DMD: variants seen among roughly 807,000 people sequenced by gnomAD.
DMD encodes the protein dystrophin, also known as mutant dystrophin.
A neutral mutation model predicts 330.1 loss-of-function variants in DMD; 63 were observed. The observed-to-expected ratio is 0.19, with a 90% CI of 0.16 to 0.24. The LOEUF (loss-of-function observed/expected upper bound fraction) is 0.24. Ranked by LOEUF, DMD falls within the 10% of genes least tolerant of loss-of-function variation. The pLI, the probability that DMD is intolerant of heterozygous loss-of-function variation, is 1.00. For synonymous variants in DMD, 1,223 were observed against 959.8 expected (o/e 1.27, Z -5.07); for missense variants, 3,344 against 2,684.1 (o/e 1.25, Z -5.43).
intron 44 of DMD, among the ~76,000 whole-genome samples, chrX:32,205,005 T>TCTCTCTCACAGACACACA (rs60181300): frequency 3.4e-5 from 1 of 29,241 alleles, no homozygotes. Context: ...TCTCTCTCTC[T>TCTCTCTCACAGACACACA]CACATACACA....
intron 6 of DMD, among the ~76,000 whole-genome samples, chrX:32,816,103 G>C (rs1462680397): frequency 1.8e-5 from 2 of 111,181 alleles, no homozygotes; most frequent in African/African-American, 6.5e-5. Context: ...TACCTGTATA[G>C]TTTAGGCTTA....
chrX:31,162,356 T>TAAAAAAAAAAAAAAAA (rs57908991), intron 74 of DMD, among the ~76,000 whole-genome samples: 3 of 50,619 alleles, frequency 5.9e-5, no homozygotes, highest in Non-Finnish European at 1.1e-4. Flanking sequence ...ATGAAAAATC[T>TAAAAAAAAAAAAAAAA]AAAAAAAAAA....
At chrX:32,729,617 T>C (rs1216784628) in intron 7 of DMD, among the ~76,000 whole-genome samples, 1 of 111,914 alleles carries the variant, frequency 8.9e-6, no homozygotes, top group Non-Finnish European at 1.9e-5. Context: ...AGCAGATTTC[T>C]ACCCTTGTAA....
At chrX:32,815,777 G>T (rs2077715326) in intron 6 of DMD, among the ~76,000 whole-genome samples, 1 of 110,034 alleles carries the variant, frequency 9.1e-6, no homozygotes, top group Non-Finnish European at 1.9e-5. Flanking sequence ...GTATTACAGT[G>T]AATTCTTTTT....
In DMD at chrX:32,362,977, A is replaced by G; in HGVS notation, c.5155-19T>C. 1 of 1,195,711 alleles carries G rather than the reference A, an allele frequency of 8.4e-7. No individual in the cohort carries two copies. The highest frequency in any genetic ancestry group is 1.1e-6 in the Non-Finnish European group (1 of 884,540). Reference sequence around the variant, plus strand: ...TTAAACGCTATATTCCATGAGCAAGAGATAGGACTTGAAGTTAGTAATTAA... The same window carrying G: ...TTAAACGCTATATTCCATGAGCAAGGGATAGGACTTGAAGTTAGTAATTAA... On this transcript the variant is annotated intron_variant, in intron 36 of 78. Transcript: ENST00000357033.
chrX:31,725,903 G>C (rs906567805), intron 52 of DMD, among the ~76,000 whole-genome samples: 2 of 112,322 alleles, frequency 1.8e-5, no homozygotes, highest in Admixed American at 9.4e-5. Context: ...ATGGTATTAT[G>C]CCTTGCAGTA....
intron 55 of DMD, among the ~76,000 whole-genome samples, chrX:31,625,794 G>A (rs889860472): frequency 3.6e-5 from 4 of 110,589 alleles, no homozygotes; most frequent in African/African-American, 9.9e-5. Flanking sequence ...GAAAATAGAC[G>A]TATTTTTGCC....
intron 1 of DMD, among the ~76,000 whole-genome samples, chrX:33,163,332 T>C (rs976251571): frequency 1.9e-5 from 2 of 107,602 alleles, no homozygotes; most frequent in African/African-American, 6.8e-5. Context: ...AGATCAGGAG[T>C]TCGAGACCAG....
intron 47 of DMD, among the ~76,000 whole-genome samples, chrX:31,881,582 C>A (rs1245852747): frequency 9.0e-6 from 1 of 111,484 alleles, no homozygotes; most frequent in Admixed American, 9.5e-5. Context: ...ATGGTAAATA[C>A]CGTATGCAGC....
intron 55 of DMD, among the ~76,000 whole-genome samples, chrX:31,509,418 A>G (rs1386765851): frequency 2.7e-5 from 3 of 111,792 alleles, no homozygotes; most frequent in Non-Finnish European, 5.6e-5. Context: ...CTTCTGTTGT[A>G]CTTGATTTGT....
chrX:33,017,518 T>A (rs964827779), intron 2 of DMD, among the ~76,000 whole-genome samples: 1 of 111,619 alleles, frequency 9.0e-6, no homozygotes, highest in Non-Finnish European at 1.9e-5. Context: ...TTTCTCTTTT[T>A]AAAGTCTTCT....
At chrX:31,981,429 G>A (rs2095475335) in intron 44 of DMD, among the ~76,000 whole-genome samples, 1 of 111,558 alleles carries the variant, frequency 9.0e-6, no homozygotes, top group African/African-American at 3.3e-5. Context: ...TTCTAATAGA[G>A]TATGAACATG....
At chrX:32,757,817 G>C (rs1169360887) in intron 7 of DMD, among the ~76,000 whole-genome samples, 1 of 111,554 alleles carries the variant, frequency 9.0e-6, no homozygotes, top group East Asian at 2.8e-4. Context: ...TTCCTTTATA[G>C]GTTTATTTTG....
At chrX:31,601,409 T>C (rs897045155) in intron 55 of DMD, among the ~76,000 whole-genome samples, 4 of 112,488 alleles carry the variant, frequency 3.6e-5, no homozygotes, top group African/African-American at 1.3e-4. Flanking sequence ...AAGGTCTCAA[T>C]ATTCCATTAT....
intron 30 of DMD, among the ~76,000 whole-genome samples, chrX:32,404,477 T>A (rs905625034): frequency 2.7e-5 from 3 of 111,488 alleles, no homozygotes; most frequent in African/African-American, 9.8e-5. Context: ...GAGATCAGAA[T>A]TCTTTGGGAA....
intron 49 of DMD, among the ~76,000 whole-genome samples, chrX:31,836,301 A>G (rs1294007041): frequency 8.9e-6 from 1 of 112,549 alleles, no homozygotes; most frequent in Non-Finnish European, 1.9e-5. Flanking sequence ...AAGAAAAGAA[A>G]GGTCACGGAC....
rs761724460 is a variant in DMD at position 32,565,869 on chromosome X, C to A, written c.1825G>T (p.Asp609Tyr). Reference sequence around the variant, plus strand: ...ATGGATTGCTTTTTCTTTTCTAGATCCGCTTTTAAAACCTGTTAAAACAAG... The same window carrying A: ...ATGGATTGCTTTTTCTTTTCTAGATACGCTTTTAAAACCTGTTAAAACAAG... ...SLQKLAVLKA[D>Y]LEKKKQSMGK... is the part of the protein sequence containing the mutation. Residue 609 changes from aspartate (D) to tyrosine (Y), a missense_variant, in exon 16 of 79, where the codon GAT becomes TAT. Coordinates refer to ENST00000357033, the MANE Select transcript of DMD (RefSeq NM_004006.3). 3.3e-6 allele frequency: 4 copies of A among 1,210,114 alleles called. No homozygotes were observed. Among genetic ancestry groups the A allele is most frequent in the Admixed American group, 4.4e-5 (2 of 45,925 alleles).
At chrX:32,345,666 A>G (rs1013994017) in intron 39 of DMD, among the ~76,000 whole-genome samples, 3 of 110,765 alleles carry the variant, frequency 2.7e-5, no homozygotes, top group Admixed American at 9.7e-5. Flanking sequence ...AAAATAAAGC[A>G]CATTAGAAAA....
intron 1 of DMD, among the ~76,000 whole-genome samples, chrX:33,131,351 T>A (rs1158338636): frequency 2.7e-5 from 3 of 110,280 alleles, no homozygotes; most frequent in African/African-American, 9.9e-5. Context: ...GAAATCAGAG[T>A]CTCTAGAAAT....
Sources: allele counts gnomAD v4.1 joint callset (sites outside exome capture counted in the v4.1 genomes callset), GRCh38; gene constraint gnomAD v4.1.1; transcripts MANE v1.5; gene names NCBI Gene and HGNC (gene_info 2026-07-23, HGNC 2026-07-21).